STK32B: variants seen among roughly 807,000 people sequenced by gnomAD.
STK32B encodes the protein serine/threonine kinase 32B, also known as serine/threonine-protein kinase 32B.
Under a neutral mutation model 52.6 loss-of-function variants are expected in STK32B, and 43 were observed. The ratio of observed to expected loss-of-function variants is 0.82; its 90% CI spans 0.64 to 1.05. STK32B has a LOEUF of 1.05. Ranked by LOEUF, STK32B falls within the 50% of genes least tolerant of loss-of-function variation. STK32B has a pLI of 0.00. For synonymous variants in STK32B, 238 were observed against 204.3 expected (o/e 1.17, Z -1.41); for missense variants, 621 against 534.6 (o/e 1.16, Z -1.59).
intron 1 of STK32B, among the ~76,000 whole-genome samples, chr4:5,080,458 T>A (rs1712348841): frequency 6.6e-6 from 1 of 152,170 alleles, no homozygotes; most frequent in African/African-American, 2.4e-5. Flanking sequence ...TCTTCCTGGC[T>A]TTTTTTAGAT....
rs1301620730 is a variant in STK32B, at chr4:5,460,750, A to T, written c.909+522A>T. On this transcript the variant is annotated intron_variant, in intron 9 of 11. Coordinates refer to ENST00000282908, the MANE Select transcript of STK32B (RefSeq NM_018401.3). This position sits in a 1 kb window ranked among gnomAD's most constrained non-coding sequence, Gnocchi z 4.8. ...CCTTCCAGGCAAAGGGATCGACAAGATCACACTCTTGAAGGCAGCAGAAAG... is the reference window on the plus strand; with the variant it reads ...CCTTCCAGGCAAAGGGATCGACAAGTTCACACTCTTGAAGGCAGCAGAAAG... Among the ~76,000 whole-genome samples the T allele has an allele frequency of 4.6e-5, 7 of 152,320 alleles. No homozygotes were observed. In the East Asian group the frequency reaches 1.4e-3, roughly 29 times the overall value.
At position 5,172,245 on chromosome 4, in the gene STK32B, C is replaced by T. The variant is rs1018611443; in HGVS notation, c.260+3795C>T. On this transcript the variant is annotated intron_variant, in intron 3 of 11. Coordinates refer to ENST00000282908, the MANE Select transcript of STK32B (RefSeq NM_018401.3). ...GGGTTTTCTAGATATACAATCATGT[C>T]GTCTGCAAACAGGGACAATTTGACT... Among the ~76,000 whole-genome samples, 8 of 152,226 alleles carry T rather than the reference C, an allele frequency of 5.3e-5. No homozygotes were observed. The South Asian group carries it at 1.0e-3, about 20-fold the overall frequency.
chr4:5,283,713 T>C (rs995114936), intron 3 of STK32B, among the ~76,000 whole-genome samples: 1 of 152,102 alleles, frequency 6.6e-6, no homozygotes, highest in African/African-American at 2.4e-5. Flanking sequence ...GGAAACACAA[T>C]TGTAAATCAG....
chr4:5,265,264 C>T (rs1399102081), intron 3 of STK32B, among the ~76,000 whole-genome samples: 3 of 152,296 alleles, frequency 2.0e-5, no homozygotes, highest in East Asian at 1.9e-4. Flanking sequence ...GGTGAGAACG[C>T]GTGGGTGTTT....
chr4:5,379,128 G>A (rs1010865346), intron 4 of STK32B, among the ~76,000 whole-genome samples: 2 of 152,192 alleles, frequency 1.3e-5, no homozygotes, highest in African/African-American at 4.8e-5. Flanking sequence ...ATAATGATGA[G>A]GTTGGTAGTA....
intron 8 of STK32B, among the ~76,000 whole-genome samples, chr4:5,459,370 C>T (rs1309155493): frequency 4.0e-5 from 6 of 148,730 alleles, no homozygotes; most frequent in Admixed American, 2.1e-4. Context: ...GTGGAGAAGT[C>T]TCCATTATTC....
chr4:5,456,406 A>G (rs1244707304), intron 7 of STK32B, among the ~76,000 whole-genome samples: 1 of 152,234 alleles, frequency 6.6e-6, no homozygotes, highest in Non-Finnish European at 1.5e-5. Flanking sequence ...AGTGGCGGCC[A>G]AGGCCCAGCA....
chr4:5,319,969 A>G (rs1207791385), intron 3 of STK32B, among the ~76,000 whole-genome samples: 2 of 152,178 alleles, frequency 1.3e-5, no homozygotes, highest in Non-Finnish European at 2.9e-5. Flanking sequence ...TAAATCATGC[A>G]GGAACTCTAG....
At chr4:5,227,192 C>G (rs1723932302) in intron 3 of STK32B, among the ~76,000 whole-genome samples, 2 of 152,056 alleles carry the variant, frequency 1.3e-5, no homozygotes, top group South Asian at 4.2e-4. Flanking sequence ...GATACCACAC[C>G]AAAACTCAAC....
At chr4:5,449,689 G>A (rs183977980) in intron 7 of STK32B, among the ~76,000 whole-genome samples, 17 of 152,098 alleles carry the variant, frequency 1.1e-4, no homozygotes, top group South Asian at 4.2e-4. Flanking sequence ...GCTGCTCCCC[G>A]TCACTCACAT....
At chr4:5,098,778 C>T (rs1347195053) in intron 1 of STK32B, among the ~76,000 whole-genome samples, 1 of 152,116 alleles carries the variant, frequency 6.6e-6, no homozygotes, top group Non-Finnish European at 1.5e-5. Flanking sequence ...AGTTATGTAC[C>T]CTAGAAACTA....
At chr4:5,492,642 C>G (rs1350305452) in intron 11 of STK32B, among the ~76,000 whole-genome samples, 12 of 150,412 alleles carry the variant, frequency 8.0e-5, no homozygotes, top group African/African-American at 1.5e-4. Flanking sequence ...GAGGGCATCC[C>G]TGTCTTGTGC....
intron 4 of STK32B, among the ~76,000 whole-genome samples, chr4:5,346,934 G>T (rs1372783281): frequency 6.6e-6 from 1 of 152,198 alleles, no homozygotes; most frequent in Admixed American, 6.5e-5. Flanking sequence ...AAGTAAGAGA[G>T]AGCACATGTG....
intron 4 of STK32B, among the ~76,000 whole-genome samples, chr4:5,335,361 T>A (rs1440534007): frequency 6.6e-6 from 1 of 152,000 alleles, no homozygotes; most frequent in Non-Finnish European, 1.5e-5. Flanking sequence ...ATTTGATTCT[T>A]CTCTCTTTTT....
At chr4:5,461,558 A>G (rs1046097433) in intron 9 of STK32B, among the ~76,000 whole-genome samples, 2 of 152,112 alleles carry the variant, frequency 1.3e-5, no homozygotes, top group Non-Finnish European at 2.9e-5. Flanking sequence ...TCACCACTGA[A>G]TCCAACCGAA....
chr4:5,484,214 T>C (rs1200005730), intron 11 of STK32B, among the ~76,000 whole-genome samples: 1 of 152,228 alleles, frequency 6.6e-6, no homozygotes, highest in Non-Finnish European at 1.5e-5. Flanking sequence ...TATTATTGTG[T>C]TGGTGTCTCA....
intron 3 of STK32B, among the ~76,000 whole-genome samples, chr4:5,276,116 C>G (rs1235131543): frequency 6.6e-6 from 1 of 151,984 alleles, no homozygotes; most frequent in Non-Finnish European, 1.5e-5. Context: ...TGGAAAAACC[C>G]CATCTCTACT....
intron 3 of STK32B, among the ~76,000 whole-genome samples, chr4:5,181,367 C>G (rs1010286049): frequency 1.8e-4 from 17 of 96,414 alleles, no homozygotes; most frequent in Admixed American, 6.5e-4. Context: ...CACACACACA[C>G]AGAGATCTCA....
chr4:5,350,896 T>G (rs745772440), intron 4 of STK32B, among the ~76,000 whole-genome samples: 1 of 151,846 alleles, frequency 6.6e-6, no homozygotes, highest in East Asian at 1.9e-4. Context: ...ATAAAGAAGG[T>G]CAATATATAA....
Sources: gnomAD v4.1 joint callset for allele counts (sites outside exome capture counted in the v4.1 genomes callset) on GRCh38, gnomAD v4.1.1 for gene constraint, Gnocchi (gnomAD v3.1) non-coding constraint, MANE v1.5 for transcripts, NCBI Gene and HGNC (gene_info 2026-07-23, HGNC 2026-07-21) for gene names.